Variants in PTN observed in about 807,000 individuals in gnomAD.
PTN encodes heparin affin regulatory protein.
In PTN, 18 loss-of-function variants were observed where a neutral mutation model predicts 24.1. The observed-to-expected ratio is 0.75, with a 90% CI of 0.52 to 1.11. The LOEUF is 1.11. PTN is among the 50% of genes least tolerant of loss of function. The pLI is 0.00. For missense variants in PTN, 163 were observed against 198.8 expected, an observed-to-expected ratio of 0.82 and a Z score of 1.08; for synonymous variants, 78 against 68.6, an observed-to-expected ratio of 1.14 and a Z score of -0.67.
At chr7:137,230,702 A>G (rs1808412423) in intron 4 of PTN, among the ~76,000 whole-genome samples, 1 of 151,984 alleles carries the variant, frequency 6.6e-6, no homozygotes, top group Non-Finnish European at 1.5e-5. Flanking sequence ...CTGTGGCCTC[A>G]AAAACTTATT....
At chr7:137,238,185 G>T (rs1481447495) in intron 4 of PTN, among the ~76,000 whole-genome samples, 1 of 152,162 alleles carries the variant, frequency 6.6e-6, no homozygotes, top group African/African-American at 2.4e-5. Context: ...CAGACTGGGA[G>T]TGTGCCAAGT....
rs17169057 is a variant in PTN, at chr7:137,298,490, C to G, written c.-1-43516G>C. 7.1e-3 allele frequency among the ~76,000 whole-genome samples: 1,083 copies of G among 151,710 alleles called. 7 individuals are homozygous for G. The highest frequency in any genetic ancestry group is 0.025 in the African/African-American group (1,028 of 41,406). On this transcript the variant is annotated intron_variant, in intron 1 of 4. Transcript: ENST00000348225. ...AAAGCATTATAAACCTCTTATAATT[C>G]ATGTCAAAAAATGCATGGGCACTGG...
At chr7:137,312,311 A>G (rs1471283157) in intron 1 of PTN, among the ~76,000 whole-genome samples, 1 of 152,220 alleles carries the variant, frequency 6.6e-6, no homozygotes. Context: ...ATTTCTTAGA[A>G]CAGCTTGGCT....
intron 1 of PTN, among the ~76,000 whole-genome samples, chr7:137,329,616 T>C (rs1319688486): frequency 6.6e-6 from 1 of 152,188 alleles, no homozygotes; most frequent in Admixed American, 6.5e-5. Flanking sequence ...ATTACTCATG[T>C]CACAATTTTG....
intron 4 of PTN, among the ~76,000 whole-genome samples, chr7:137,229,900 C>T (rs1808399463): frequency 6.6e-6 from 1 of 151,674 alleles, no homozygotes; most frequent in Non-Finnish European, 1.5e-5. Flanking sequence ...TTTTGGTCAA[C>T]ATTTTAGGCA....
At chr7:137,313,001 G>A (rs1043929827) in intron 1 of PTN, among the ~76,000 whole-genome samples, 3 of 151,964 alleles carry the variant, frequency 2.0e-5, no homozygotes, top group Non-Finnish European at 4.4e-5. Context: ...TTTATATGTG[G>A]TTTTGTTACA....
intron 1 of PTN, among the ~76,000 whole-genome samples, chr7:137,273,191 G>A (rs322242): frequency 1 from 151,979 of 152,372 alleles, 75,796 homozygotes; most frequent in Middle Eastern, 1. Flanking sequence ...TCATTTATAT[G>A]TTTGTTAAAT....
chr7:137,250,491 T>C (rs181018326), intron 4 of PTN, among the ~76,000 whole-genome samples: 3 of 152,352 alleles, frequency 2.0e-5, no homozygotes, highest in African/African-American at 7.2e-5. Flanking sequence ...CTGTCTCCAA[T>C]ACAGTGACAT....
rs10231850 is a variant in PTN at position 137,278,981 on chromosome 7, T to A, written c.-1-24007A>T. ...ATAATAATAATAATAATAATAATAA[T>A]AAAATAAAGAAACGGACCAATCCAG... On this transcript the variant is annotated intron_variant, in intron 1 of 4. Coordinates refer to ENST00000348225, the MANE Select transcript of PTN (RefSeq NM_002825.7). Among the ~76,000 whole-genome samples the A allele has an allele frequency of 5.1e-4, 72 of 140,384 alleles. 1 individual carries two copies. Among genetic ancestry groups the A allele is most frequent in the African/African-American group, 1.7e-3 (66 of 38,858 alleles). 92.1% of individuals were successfully genotyped at this position (140,384 alleles called of 152,430 possible).
At chr7:137,236,339 A>T in intron 4 of PTN, 1 of 693,986 alleles carries the variant, frequency 1.4e-6, no homozygotes, top group Non-Finnish European at 2.6e-6. Flanking sequence ...GGGTGGGGGA[A>T]TCAGCCACAC....
chr7:137,335,129 C>A (rs1810425136), intron 1 of PTN, among the ~76,000 whole-genome samples: 1 of 123,756 alleles, frequency 8.1e-6, no homozygotes, highest in Non-Finnish European at 1.8e-5. Flanking sequence ...ACCAGCATGG[C>A]ACATGTATAC....
At chr7:137,236,048 T>C (rs567748216) in intron 4 of PTN, 18 of 621,044 alleles carry the variant, frequency 2.9e-5, no homozygotes, top group South Asian at 1.3e-4. Context: ...GTAGATTTAA[T>C]AGAAGGTTTA....
chr7:137,236,681 C>T (rs115667387), intron 4 of PTN, among the ~76,000 whole-genome samples: 1,656 of 152,202 alleles, frequency 0.011, 29 homozygotes, highest in African/African-American at 0.038. Context: ...TCTAATATGA[C>T]ATTTAAATAT....
chr7:137,255,480 CCAA>C (rs1808905760), intron 1 of PTN, among the ~76,000 whole-genome samples: 1 of 152,184 alleles, frequency 6.6e-6, no homozygotes, highest in South Asian at 2.1e-4. Flanking sequence ...TACACAACAA[CCAA>C]CATCTCTGAT....
intron 1 of PTN, among the ~76,000 whole-genome samples, chr7:137,263,682 C>T (rs558872787): frequency 3.2e-4 from 48 of 152,186 alleles, no homozygotes; most frequent in African/African-American, 1.2e-3. Flanking sequence ...TATAGCTATG[C>T]TTTTCTTTTT....
At chr7:137,329,329 T>G (rs1307216976) in intron 1 of PTN, among the ~76,000 whole-genome samples, 1 of 152,154 alleles carries the variant, frequency 6.6e-6, no homozygotes, top group Non-Finnish European at 1.5e-5. Context: ...TAGAACTAGT[T>G]GGTGATAAGG....
chr7:137,255,846 A>G (rs1808912914), intron 1 of PTN, among the ~76,000 whole-genome samples: 1 of 152,158 alleles, frequency 6.6e-6, no homozygotes, highest in African/African-American at 2.4e-5. Flanking sequence ...CCACTTCCCA[A>G]TGGCTACACC....
intron 1 of PTN, among the ~76,000 whole-genome samples, chr7:137,271,953 T>A (rs1298594575): frequency 6.6e-6 from 1 of 152,210 alleles, no homozygotes; most frequent in African/African-American, 2.4e-5. Context: ...AGCAGACCCA[T>A]AATATCTTTT....
chr7:137,233,983 TAC>T (rs1008641389), intron 4 of PTN, among the ~76,000 whole-genome samples: 20 of 151,062 alleles, frequency 1.3e-4, no homozygotes, highest in Admixed American at 4.0e-4. Flanking sequence ...TGTATATATA[TAC>T]ACACACACAT....
Sources: allele counts gnomAD v4.1 joint callset (sites outside exome capture counted in the v4.1 genomes callset), GRCh38; gene constraint gnomAD v4.1.1; transcripts MANE v1.5; gene names NCBI Gene and HGNC (gene_info 2026-07-23, HGNC 2026-07-21).